The following BCL2L14 variants were observed in gnomAD, a reference collection of about 807,000 sequenced individuals.
BCL2L14 encodes apoptosis facilitator Bcl-2-like protein 14.
A neutral mutation model predicts 35.3 loss-of-function variants in BCL2L14; 27 were observed. That is an observed-to-expected ratio of 0.76 (90% CI 0.56 to 1.05). BCL2L14 has a LOEUF of 1.05. Ranked by LOEUF, BCL2L14 falls within the 50% of genes least tolerant of loss-of-function variation. The pLI, the probability that BCL2L14 is intolerant of heterozygous loss-of-function variation, is 0.00. For missense variants in BCL2L14, 377 were observed against 382.6 expected (o/e 0.99, Z 0.12); for synonymous variants, 139 against 145.9 (o/e 0.95, Z 0.34).
At chr12:12,053,247 A>C (rs551439844) in intron 2 of BCL2L14, among the ~76,000 whole-genome samples, 1 of 152,328 alleles carries the variant, frequency 6.6e-6, no homozygotes, top group South Asian at 2.1e-4. Context: ...CAGAAAGGTT[A>C]AATAACTTGC....
Position 12,079,622 on chromosome 12 carries a change from A to G in BCL2L14, c.317A>G (p.Gln106Arg), listed in dbSNP as rs565328996. ...FFGVVEKEDS[Q>R]STPAKVSAQG... is the part of the protein sequence containing the mutation. Reference sequence around the variant, plus strand: ...GGAGTAGTGGAGAAGGAAGATTCGCAGAGCACGCCTGCCAAGGTCTCTGCT... The same window carrying G: ...GGAGTAGTGGAGAAGGAAGATTCGCGGAGCACGCCTGCCAAGGTCTCTGCT... The change falls in exon 2 of 6, where the codon CAG becomes CGG. Residue 106 changes from glutamine to arginine, a missense_variant. Coordinates refer to ENST00000308721, the MANE Select transcript of BCL2L14 (RefSeq NM_138723.2). 1.9e-6 allele frequency: 3 copies of G among 1,614,240 alleles called. No homozygotes were observed. The South Asian group carries it at 3.3e-5, about 18-fold the overall frequency.
rs1016036695 is a variant in BCL2L14 at position 12,099,463 on chromosome 12, T to C, written c.*475T>C. The stretch of plus-strand genomic sequence containing the variant: ...TTGCTATTCACGTTAGTAAACAGCC[T>C]AAAGAAACTCTTAGGTTTACTGCTA... On this transcript the variant is annotated 3_prime_UTR_variant, in exon 6 of 6. Coordinates refer to ENST00000308721, the MANE Select transcript of BCL2L14 (RefSeq NM_138723.2). 6.5e-6 allele frequency: 1 copy of C among 154,208 alleles called. No homozygotes were observed. Among genetic ancestry groups the C allele is most frequent in the Admixed American group, 6.5e-5 (1 of 15,378 alleles). The allele number at this position is 154,208 out of a possible 1,614,324, so 9.6% of individuals were successfully genotyped here.
At chr12:12,096,326 T>C (rs961540424) in intron 5 of BCL2L14, 2 of 247,678 alleles carry the variant, frequency 8.1e-6, no homozygotes, top group African/African-American at 4.7e-5. Flanking sequence ...ACCATAAATA[T>C]GCTATTAAAA....
chr12:12,092,656 C>T (rs1200042909), intron 4 of BCL2L14, among the ~76,000 whole-genome samples: 1 of 152,198 alleles, frequency 6.6e-6, no homozygotes, highest in East Asian at 1.9e-4. Flanking sequence ...GGCACAGTCC[C>T]CACTTGGCTG....
intron 2 of BCL2L14, among the ~76,000 whole-genome samples, chr12:12,058,442 G>T (rs1948466714): frequency 6.6e-6 from 1 of 150,962 alleles, no homozygotes; most frequent in African/African-American, 2.4e-5. Context: ...TAGAGACGGG[G>T]TTTCAGACGG....
At chr12:12,053,133 C>T (rs755375512) in intron 2 of BCL2L14, among the ~76,000 whole-genome samples, 25 of 152,202 alleles carry the variant, frequency 1.6e-4, no homozygotes, top group Non-Finnish European at 3.1e-4. Flanking sequence ...CCTTTGGAAA[C>T]ACCTTACATA....
intron 1 of BCL2L14, among the ~76,000 whole-genome samples, chr12:12,050,973 T>G (rs1179537477): frequency 1.3e-5 from 2 of 152,144 alleles, no homozygotes; most frequent in South Asian, 4.1e-4. Flanking sequence ...TTGGCGGAAG[T>G]GCTCGATAAG....
intron 4 of BCL2L14, among the ~76,000 whole-genome samples, chr12:12,091,224 CCCA>C (rs771279314): frequency 3.2e-4 from 48 of 152,324 alleles, no homozygotes; most frequent in Admixed American, 1.4e-3. Flanking sequence ...ATATCTGTGT[CCCA>C]CAGTTGCTCC....
At chr12:12,068,304 G>A (rs1948618207), upstream of BCL2L14, 7 of 397,156 alleles carry the variant, frequency 1.8e-5, no homozygotes, top group Non-Finnish European at 2.2e-5. Flanking sequence ...ATGTAACTCA[G>A]AACTCCAGTA....
chr12:12,052,625 A>T (rs1019578081), intron 2 of BCL2L14, among the ~76,000 whole-genome samples: 4 of 152,166 alleles, frequency 2.6e-5, no homozygotes, highest in Non-Finnish European at 5.9e-5. Context: ...TCATCTGTTG[A>T]TGGACACCTA....
At chr12:12,050,431 T>TTA (rs1948332385) in intron 1 of BCL2L14, among the ~76,000 whole-genome samples, 12 of 66,378 alleles carry the variant, frequency 1.8e-4, no homozygotes, top group African/African-American at 9.5e-4. Flanking sequence ...AGACACCATC[T>TTA]CAAAAAAAAA....
intron 3 of BCL2L14, among the ~76,000 whole-genome samples, chr12:12,088,334 T>C (rs935354048): frequency 2.0e-5 from 3 of 152,170 alleles, no homozygotes; most frequent in African/African-American, 7.2e-5. Context: ...GTGTGACGTT[T>C]ACATAGCATG....
intron 2 of BCL2L14, among the ~76,000 whole-genome samples, chr12:12,081,916 T>C (rs933164158): frequency 1.4e-4 from 22 of 152,156 alleles, no homozygotes; most frequent in African/African-American, 5.3e-4. Flanking sequence ...CCTGGGTAAC[T>C]TGTCAATAAT....
intron 2 of BCL2L14, among the ~76,000 whole-genome samples, chr12:12,052,174 T>C (rs531196129): frequency 1.3e-5 from 2 of 152,332 alleles, no homozygotes; most frequent in East Asian, 3.9e-4. Flanking sequence ...GTTTACAATG[T>C]GGAATGATTA....
chr12:12,091,413 T>G (rs1427732933), intron 4 of BCL2L14, among the ~76,000 whole-genome samples: 1 of 152,166 alleles, frequency 6.6e-6, no homozygotes, highest in Non-Finnish European at 1.5e-5. Context: ...GGGTGAGAGT[T>G]GCCTTCAGGT....
chr12:12,084,877 G>T (rs1393845266), intron 2 of BCL2L14, among the ~76,000 whole-genome samples: 1 of 151,932 alleles, frequency 6.6e-6, no homozygotes, highest in African/African-American at 2.4e-5. Flanking sequence ...TTCAAGACCA[G>T]CCTGGCCAAC....
At chr12:12,058,766 C>T (rs1421010140) in intron 2 of BCL2L14, among the ~76,000 whole-genome samples, 1 of 152,206 alleles carries the variant, frequency 6.6e-6, no homozygotes, top group African/African-American at 2.4e-5. Flanking sequence ...GTGGTCTCTT[C>T]ACACCGACGC....
rs149795487 is a variant in BCL2L14 at position 12,096,249 on chromosome 12, A to G, written c.945+1319A>G. 625 of 825,166 alleles carry G rather than the reference A, an allele frequency of 7.6e-4. 1 individual carries two copies. In the African/African-American group the frequency reaches 0.011, roughly 14 times the overall value. The allele number at this position is 825,166 out of a possible 1,614,324, so 51.1% of individuals were successfully genotyped here. On this transcript the variant is annotated intron_variant, in intron 5 of 5. Coordinates refer to ENST00000308721, the MANE Select transcript of BCL2L14 (RefSeq NM_138723.2). ...CTTAATATATTTTCTCAGAGAAATTATAATTATCAATTGGGTTCACAGGCT... is the reference window on the plus strand; with the variant it reads ...CTTAATATATTTTCTCAGAGAAATTGTAATTATCAATTGGGTTCACAGGCT...
intron 3 of BCL2L14, 97 bp from the exon 4 acceptor site, chr12:12,090,682 C>A: frequency 2.3e-6 from 2 of 852,002 alleles, no homozygotes; most frequent in Non-Finnish European, 3.7e-6. Context: ...CCTCTTCCTC[C>A]AGCCCTTACC....
Sources: allele counts gnomAD v4.1 joint callset (sites outside exome capture counted in the v4.1 genomes callset), GRCh38; gene constraint gnomAD v4.1.1; transcripts MANE v1.5; gene names NCBI Gene and HGNC (gene_info 2026-07-23, HGNC 2026-07-21).